Variants in MECOM observed in about 807,000 individuals in gnomAD.
MECOM encodes MDS1 and EVI1 complex locus, also known as histone-lysine N-methyltransferase MECOM.
In MECOM, 13 loss-of-function variants were observed where a neutral mutation model predicts 116.3. That is an observed-to-expected ratio of 0.11 (90% CI 0.07 to 0.18). MECOM has a LOEUF of 0.18. Ranked by LOEUF, MECOM falls within the 10% of genes least tolerant of loss-of-function variation. The pLI is 1.00. For synonymous variants in MECOM, 528 were observed against 535.2 expected (o/e 0.99, Z 0.19); for missense variants, 1,299 against 1,509.0 (o/e 0.86, Z 2.31).
chr3:169,207,432 T>A (rs1750085043), intron 2 of MECOM, among the ~76,000 whole-genome samples: 1 of 152,114 alleles, frequency 6.6e-6, no homozygotes, highest in Non-Finnish European at 1.5e-5. Flanking sequence ...AGAGCAGCAG[T>A]CACTGATATA....
At chr3:169,565,203 C>G (rs977927634) in intron 1 of MECOM, among the ~76,000 whole-genome samples, 12 of 152,148 alleles carry the variant, frequency 7.9e-5, no homozygotes, top group African/African-American at 2.2e-4. Context: ...AATTCCGAAC[C>G]CTGTGCCTAG....
At chr3:169,522,155 G>A (rs1262601948) in intron 1 of MECOM, among the ~76,000 whole-genome samples, 1 of 152,106 alleles carries the variant, frequency 6.6e-6, no homozygotes, top group Non-Finnish European at 1.5e-5. Context: ...CATGTTGAGA[G>A]GCAAGTGGAA....
Position 169,270,930 on chromosome 3 carries a change from A to T in MECOM, c.375+110257T>A, listed in dbSNP as rs369559761. Among the ~76,000 whole-genome samples, 30 of 152,342 alleles carry T rather than the reference A, an allele frequency of 2.0e-4. No individual in the cohort carries two copies. The East Asian group carries it at 3.9e-3, about 20-fold the overall frequency. On this transcript the variant is annotated intron_variant, in intron 2 of 16. Transcript: ENST00000651503. ...TTAGTAAAAATTATTGCTGGTTTTTAAATTTTTTGTAATACTGCTTTTATG... is the reference window on the plus strand; with the variant it reads ...TTAGTAAAAATTATTGCTGGTTTTTTAATTTTTTGTAATACTGCTTTTATG...
At position 169,100,893 on chromosome 3, in the gene MECOM, C is replaced by T; in HGVS notation, c.2841G>A (p.Gln947=). 6.9e-6 allele frequency: 11 copies of T among 1,584,964 alleles called. No individual in the cohort carries two copies. The highest frequency in any genetic ancestry group is 9.5e-6 in the Non-Finnish European group (11 of 1,162,324). The part of the protein sequence containing the change: ...TRHLRTHTGE[Q]PYRCKYCDRS... The stretch of plus-strand genomic sequence containing the variant: ...AAATATCATTGTCAGACCTGTAAGG[C>T]TGCTCTCCTGTGTGGGTTCTCAAGT... Residue 947 remains glutamine (Q), a synonymous_variant, in exon 12 of 17, where the codon CAG becomes CAA. Coordinates refer to ENST00000651503, the MANE Select transcript of MECOM (RefSeq NM_004991.4).
intron 2 of MECOM, among the ~76,000 whole-genome samples, chr3:169,279,577 C>A (rs1194114117): frequency 1.3e-5 from 2 of 152,152 alleles, no homozygotes; most frequent in Admixed American, 1.3e-4. Context: ...TAGAGAATTT[C>A]ATTCCTGAAA....
chr3:169,358,393 TTAGA>T (rs1416496973), intron 2 of MECOM, among the ~76,000 whole-genome samples: 13 of 151,796 alleles, frequency 8.6e-5, no homozygotes, highest in African/African-American at 2.7e-4. Flanking sequence ...TTTTTAAAAC[TTAGA>T]TAGACCAGTT....
intron 1 of MECOM, among the ~76,000 whole-genome samples, chr3:169,609,207 C>T (rs886928315): frequency 1.3e-5 from 2 of 152,178 alleles, no homozygotes; most frequent in Admixed American, 6.5e-5. Context: ...AGATTCCAGG[C>T]TTGCTGGCTT....
intron 1 of MECOM, among the ~76,000 whole-genome samples, chr3:169,606,514 T>C (rs929317054): frequency 6.6e-6 from 1 of 152,150 alleles, no homozygotes; most frequent in Non-Finnish European, 1.5e-5. Context: ...TGTTTGGTGT[T>C]TTACAAGTAT....
rs1445349872 is a variant in MECOM at position 169,256,279 on chromosome 3, T to C, written c.376-112447A>G. Among the ~76,000 whole-genome samples the C allele has an allele frequency of 4.6e-5, 7 of 152,018 alleles. No homozygotes were observed. In the South Asian group the frequency reaches 6.2e-4, roughly 14 times the overall value. On this transcript the variant is annotated intron_variant, in intron 2 of 16. Transcript: ENST00000651503. Reference sequence around the variant, plus strand: ...AAAAACTCATGTAACTAATGCAATATGATAACCACTAGGGTGCTACTGTGA... The same window carrying C: ...AAAAACTCATGTAACTAATGCAATACGATAACCACTAGGGTGCTACTGTGA...
At position 169,337,873 on chromosome 3, in the gene MECOM, C is replaced by A. The variant is rs145754201; in HGVS notation, c.375+43314G>T. On this transcript the variant is annotated intron_variant, in intron 2 of 16. Coordinates refer to ENST00000651503, the MANE Select transcript of MECOM (RefSeq NM_004991.4). ...AATGTTTAATATAATCTATACTCAG[C>A]CATTACAGGAAAATAAAGATGATAT... Among the ~76,000 whole-genome samples the A allele has an allele frequency of 2.1e-3, 323 of 152,240 alleles. 3 individuals carry two copies. The highest frequency in any genetic ancestry group is 7.4e-3 in the African/African-American group (306 of 41,538).
intron 1 of MECOM, among the ~76,000 whole-genome samples, chr3:169,548,978 T>A (rs1576824802): frequency 6.7e-6 from 1 of 150,238 alleles, no homozygotes; most frequent in African/African-American, 2.5e-5. Context: ...TCTCTTTTTT[T>A]TTTTTTTTTT....
intron 2 of MECOM, among the ~76,000 whole-genome samples, chr3:169,354,602 C>T (rs1460255701): frequency 6.6e-6 from 1 of 151,852 alleles, no homozygotes; most frequent in Admixed American, 6.6e-5. Flanking sequence ...TACCAAAAAG[C>T]TTGTACCTTT....
At chr3:169,353,874 AT>A (rs2149810876) in intron 2 of MECOM, among the ~76,000 whole-genome samples, 1 of 152,014 alleles carries the variant, frequency 6.6e-6, no homozygotes, top group Non-Finnish European at 1.5e-5. Flanking sequence ...TTTAAATAGT[AT>A]GACATTTCCC....
chr3:169,416,688 G>A (rs1219795977), intron 1 of MECOM, among the ~76,000 whole-genome samples: 1 of 151,942 alleles, frequency 6.6e-6, no homozygotes, highest in African/African-American at 2.4e-5. Context: ...AATAAAAAAA[G>A]ATAAAGAGGA....
At chr3:169,573,822 T>A (rs932111407) in intron 1 of MECOM, among the ~76,000 whole-genome samples, 2 of 152,172 alleles carry the variant, frequency 1.3e-5, no homozygotes, top group African/African-American at 4.8e-5. Context: ...AAATAAACAA[T>A]TAAAACACAT....
intron 2 of MECOM, among the ~76,000 whole-genome samples, chr3:169,270,160 T>C (rs926445915): frequency 4.5e-4 from 69 of 152,328 alleles, no homozygotes; most frequent in Non-Finnish European, 3.5e-4. Context: ...GACAGTGTTC[T>C]GGCCTATATG....
At chr3:169,368,227 T>C (rs1729510166) in intron 2 of MECOM, among the ~76,000 whole-genome samples, 1 of 152,052 alleles carries the variant, frequency 6.6e-6, no homozygotes, top group Non-Finnish European at 1.5e-5. Context: ...CAGTTTCGGT[T>C]ACATCATGAA....
chr3:169,122,831 G>A, intron 5 of MECOM, 104 bp from the exon 6 acceptor site: 2 of 1,317,144 alleles, frequency 1.5e-6, no homozygotes, highest in Admixed American at 2.0e-5. Flanking sequence ...AGAAGGAAAA[G>A]GAGTTGAACT....
At chr3:169,434,406 C>G (rs1407606413) in intron 1 of MECOM, among the ~76,000 whole-genome samples, 1 of 148,620 alleles carries the variant, frequency 6.7e-6, no homozygotes, top group Non-Finnish European at 1.5e-5. Context: ...TAGATAAGCA[C>G]AGTGGAGAGG....
Sources: allele counts gnomAD v4.1 joint callset (sites outside exome capture counted in the v4.1 genomes callset), GRCh38; gene constraint gnomAD v4.1.1; transcripts MANE v1.5; gene names NCBI Gene and HGNC (gene_info 2026-07-23, HGNC 2026-07-21).